CLASRP: variants seen among roughly 807,000 people sequenced by gnomAD.
CLASRP encodes the protein CLK4-associating serine/arginine rich protein.
CLASRP carries 52 observed loss-of-function variants against 99.9 expected under a neutral mutation model. That is an observed-to-expected ratio of 0.52 (90% CI 0.42 to 0.66). CLASRP has a LOEUF of 0.66. CLASRP is among the 30% of genes least tolerant of loss of function. The pLI, the probability that CLASRP is intolerant of heterozygous loss-of-function variation, is 0.00. For synonymous variants in CLASRP, 379 were observed against 373.0 expected (o/e 1.02, Z -0.18); for missense variants, 848 against 999.2 (o/e 0.85, Z 2.04).
rs781162059 is a variant in CLASRP, at chr19:45,040,618, G to A, written c.99+307G>A. 72 of 250,396 alleles carry A rather than the reference G, an allele frequency of 2.9e-4. 1 individual carries two copies. Among genetic ancestry groups the A allele is most frequent in the African/African-American group, 1.2e-3 (53 of 45,840 alleles). 15.5% of individuals were successfully genotyped at this position (250,396 alleles called of 1,614,324 possible). A position where few individuals can be genotyped will look rare whatever the true frequency, so the allele number is the denominator to read the frequency against. The stretch of plus-strand genomic sequence containing the variant: ...TGGCCACCTCCAGAATGTCTGTTTC[G>A]CTTATTGCTGTGTTCCCCATTCCCA... On this transcript the variant is annotated intron_variant, in intron 2 of 20. Coordinates refer to ENST00000221455, the MANE Select transcript of CLASRP (RefSeq NM_007056.3).
At chr19:45,062,236 C>T (rs1344938463) in intron 11 of CLASRP, 41 bp downstream of exon 11, 2 of 1,142,026 alleles carry the variant, frequency 1.8e-6, no homozygotes, top group Admixed American at 1.7e-5. Context: ...AGACAGGGAG[C>T]CTCCTGATGG....
At chr19:45,050,223 G>T (rs1027216075) in intron 2 of CLASRP, among the ~76,000 whole-genome samples, 1 of 151,148 alleles carries the variant, frequency 6.6e-6, no homozygotes, top group Admixed American at 6.6e-5. Context: ...GTGGGGTGCG[G>T]CCCAACATGT....
At chr19:45,066,622 C>CAAAAA (rs35834419) in intron 13 of CLASRP, among the ~76,000 whole-genome samples, 3 of 18,664 alleles carry the variant, frequency 1.6e-4, no homozygotes, top group African/African-American at 3.7e-4. Context: ...GAGACTGTCT[C>CAAAAA]AAAAAAAAAA....
chr19:45,063,498 T>C (rs867198559), intron 11 of CLASRP, among the ~76,000 whole-genome samples: 3 of 142,346 alleles, frequency 2.1e-5, no homozygotes, highest in African/African-American at 7.9e-5. Flanking sequence ...CAAGCTGGTG[T>C]GCAGTGGCGT....
chr19:45,068,367 T>A lies in CLASRP; in HGVS notation c.1708-53T>A, dbSNP rs556258140. On this transcript the variant is annotated intron_variant, in intron 15 of 20. Coordinates refer to ENST00000221455, the MANE Select transcript of CLASRP (RefSeq NM_007056.3). ...CCAGGCTTTTGGCTGAGGTGGGTTG[T>A]GGGAGCTCTGGGACACCCACCCCCT... The A allele has an allele frequency of 6.4e-5, 49 of 770,340 alleles. No individual in the cohort carries two copies. The South Asian group carries it at 6.6e-4, about 10-fold the overall frequency. 47.7% of individuals were successfully genotyped at this position (770,340 alleles called of 1,614,324 possible).
intron 7 of CLASRP, 151 bp from the exon 8 acceptor site, chr19:45,059,117 A>G: frequency 1.5e-6 from 1 of 677,420 alleles, no homozygotes; most frequent in South Asian, 1.7e-5. Context: ...AGCCTAGGGC[A>G]TGCCAAGATG....
At position 45,053,089 on chromosome 19, in the gene CLASRP, T is replaced by A; in HGVS notation, c.300-9T>A. The stretch of plus-strand genomic sequence containing the variant: ...CTCTCTGATTTCAAGGTCTCGCCCT[T>A]CCCTAAAGCTCCCCAGAACAGGAGT... On this transcript the variant is annotated splice_polypyrimidine_tract_variant and intron_variant, in intron 4 of 20. Transcript: ENST00000221455. The A allele has an allele frequency of 6.2e-7, 1 of 1,613,860 alleles. No individual in the cohort carries two copies. The highest frequency in any genetic ancestry group is 8.5e-7 in the Non-Finnish European group (1 of 1,179,958).
At chr19:45,064,256 C>T (rs1001381240) in intron 12 of CLASRP, 29 bp downstream of exon 12, 43 of 1,551,186 alleles carry the variant, frequency 2.8e-5, no homozygotes, top group African/African-American at 9.5e-5. Context: ...GCCCGCCCTA[C>T]GCCCCGGTCA....
chr19:45,068,171 A>G, intron 15 of CLASRP, 117 bp downstream of exon 15: 1 of 854,264 alleles, frequency 1.2e-6, no homozygotes, highest in South Asian at 1.4e-5. Flanking sequence ...CCCCAGGGAC[A>G]GGGAGGGGAG....
chr19:45,052,414 C>T (rs560064491), intron 3 of CLASRP, among the ~76,000 whole-genome samples: 1 of 152,292 alleles, frequency 6.6e-6, no homozygotes, highest in Admixed American at 6.5e-5. Flanking sequence ...GAGCCAGGGC[C>T]AGAGGCCCAG....
In CLASRP at chr19:45,040,189, G is replaced by T. The variant is rs911037546; in HGVS notation, c.-24G>T. On this transcript the variant is annotated 5_prime_UTR_variant, in exon 2 of 21. It adds an upstream start codon to the 5' untranslated region. Coordinates refer to ENST00000221455, the MANE Select transcript of CLASRP (RefSeq NM_007056.3). ...CTGGTCCCTTCATCCCTCAGGTTGA[G>T]GCCCCAGGCTTGGCCTCACCACAAT... 1.3e-6 allele frequency: 2 copies of T among 1,579,070 alleles called. No individual in the cohort carries two copies. The highest frequency in any genetic ancestry group is 1.3e-5 in the African/African-American group (1 of 74,526).
Position 45,067,105 on chromosome 19 carries a change from A to T in CLASRP, c.1410-232A>T, listed in dbSNP as rs1217122670. Among the ~76,000 whole-genome samples, 1 of 152,232 alleles carries T rather than the reference A, an allele frequency of 6.6e-6. No individual in the cohort carries two copies. The highest frequency in any genetic ancestry group is 2.4e-5 in the African/African-American group (1 of 41,466). On this transcript the variant is annotated intron_variant, in intron 13 of 20. Transcript: ENST00000221455. This position sits in a 1 kb window ranked among gnomAD's most constrained non-coding sequence, Gnocchi z 4.9. ...AGGTGACGTGGGCCAGGCAGGGCTCATGATGGCAGGACTGCCCTTAGGCTG... is the reference window on the plus strand; with the variant it reads ...AGGTGACGTGGGCCAGGCAGGGCTCTTGATGGCAGGACTGCCCTTAGGCTG...
Position 45,064,522 on chromosome 19 carries a change from G to C in CLASRP, c.1301G>C (p.Arg434Pro). ...CGCTCCCGCTCCCGGCGCTATTCCC[G>C]GTCCCGTAGCCGTGGCCGGCGGCAC... ...RSRSRSRRYSRSRSRGRRHSG... is the reference protein window; with the variant it reads ...RSRSRSRRYSPSRSRGRRHSG... The change falls in exon 13 of 21, where the codon CGG (arginine) becomes CCG (proline). Residue 434 changes from arginine to proline, a missense_variant. Transcript: ENST00000221455. 6.5e-7 allele frequency: 1 copy of C among 1,537,572 alleles called. No individual in the cohort carries two copies. Among genetic ancestry groups the C allele is most frequent in the Non-Finnish European group, 8.7e-7 (1 of 1,146,198 alleles).
At chr19:45,045,914 A>G (rs1971908357) in intron 2 of CLASRP, among the ~76,000 whole-genome samples, 1 of 152,236 alleles carries the variant, frequency 6.6e-6, no homozygotes, top group Admixed American at 6.5e-5. Context: ...CTGAGACTCC[A>G]GGCCCCCTCC....
At chr19:45,041,855 C>T (rs973695944) in intron 2 of CLASRP, among the ~76,000 whole-genome samples, 1 of 152,194 alleles carries the variant, frequency 6.6e-6, no homozygotes, top group Non-Finnish European at 1.5e-5. Context: ...CTTGCTATTC[C>T]TCCACTGACC....
chr19:45,040,198 C>T lies in CLASRP; in HGVS notation c.-15C>T. The T allele has an allele frequency of 6.3e-7, 1 of 1,591,006 alleles. No homozygotes were observed. Among genetic ancestry groups the T allele is most frequent in the Non-Finnish European group, 8.6e-7 (1 of 1,168,190 alleles). ...TCATCCCTCAGGTTGAGGCCCCAGG[C>T]TTGGCCTCACCACAATGTGGCACGA... On this transcript the variant is annotated 5_prime_UTR_variant, in exon 2 of 21. Coordinates refer to ENST00000221455, the MANE Select transcript of CLASRP (RefSeq NM_007056.3).
chr19:45,042,527 A>ATATGTG (rs202206503), intron 2 of CLASRP, among the ~76,000 whole-genome samples: 16 of 151,554 alleles, frequency 1.1e-4, no homozygotes, highest in African/African-American at 3.9e-4. Flanking sequence ...ATATATATAT[A>ATATGTG]TGTGTGTGTA....
Position 45,068,356 on chromosome 19 carries a change from G to C in CLASRP, c.1708-64G>C. On this transcript the variant is annotated intron_variant, in intron 15 of 20. Coordinates refer to ENST00000221455, the MANE Select transcript of CLASRP (RefSeq NM_007056.3). ...CGCACAAAGCCCCAGGCTTTTGGCT[G>C]AGGTGGGTTGTGGGAGCTCTGGGAC... 21 of 809,146 alleles carry C rather than the reference G, an allele frequency of 2.6e-5. 1 individual carries two copies. The South Asian group carries it at 2.8e-4, about 11-fold the overall frequency. The allele number at this position is 809,146 out of a possible 1,614,324, so 50.1% of individuals were successfully genotyped here. A position where few individuals can be genotyped will look rare whatever the true frequency, so the allele number is the denominator to read the frequency against.
At chr19:45,062,325 G>A in intron 11 of CLASRP, 130 bp downstream of exon 11, 1 of 643,588 alleles carries the variant, frequency 1.6e-6, no homozygotes, top group South Asian at 1.9e-5. Flanking sequence ...GATATGTTCT[G>A]GGTCTGAATC....
Sources: gnomAD v4.1 joint callset for allele counts (sites outside exome capture counted in the v4.1 genomes callset) on GRCh38, gnomAD v4.1.1 for gene constraint, Gnocchi (gnomAD v3.1) non-coding constraint, MANE v1.5 for transcripts, NCBI Gene and HGNC (gene_info 2026-07-23, HGNC 2026-07-21) for gene names.